F2R: variants seen among roughly 807,000 people sequenced by gnomAD.
F2R encodes proteinase-activated receptor 1.
F2R carries 12 observed loss-of-function variants against 18.3 expected under a neutral mutation model. The observed-to-expected ratio is 0.66, with a 90% CI of 0.42 to 1.06. F2R has a LOEUF of 1.06. F2R is among the 50% of genes least tolerant of loss of function. The probability of loss-of-function intolerance (pLI) is 0.00; values close to 1 mark genes in which losing one functional copy is unlikely to be tolerated. For synonymous variants in F2R, 210 were observed against 219.9 expected (o/e 0.95, Z 0.40); for missense variants, 438 against 530.8 (o/e 0.83, Z 1.72).
chr5:76,720,675 T>C (rs1748432853), intron 1 of F2R, among the ~76,000 whole-genome samples: 1 of 152,124 alleles, frequency 6.6e-6, no homozygotes, highest in Non-Finnish European at 1.5e-5. Flanking sequence ...CATTCTCCCT[T>C]CCCCTACCCC....
Position 76,716,381 on chromosome 5 carries a change from G to A in F2R, c.74G>A (p.Arg25Gln), listed in dbSNP as rs1748343499. The A allele has an allele frequency of 6.9e-6, 10 of 1,452,682 alleles. No homozygotes were observed. The highest frequency in any genetic ancestry group is 2.6e-5 in the Admixed American group (1 of 37,952). The allele number at this position is 1,452,682 out of a possible 1,614,324, so 90.0% of individuals were successfully genotyped here. A position where few individuals can be genotyped will look rare whatever the true frequency, so the allele number is the denominator to read the frequency against. ...GGCCCGCTGTTGTCTGCCCGCACCC[G>A]GGCCCGCAGGCCAGGTGAGAGATGC... is the stretch of plus-strand genomic sequence containing the variant. ...LCGPLLSARTRARRPESKATN... is the reference protein window; with the variant it reads ...LCGPLLSARTQARRPESKATN... The change falls in exon 1 of 2, where the codon CGG becomes CAG. Residue 25 changes from arginine to glutamine, a missense_variant. Transcript: ENST00000319211.
At chr5:76,718,213 C>T (rs1220188254) in intron 1 of F2R, among the ~76,000 whole-genome samples, 6 of 152,092 alleles carry the variant, frequency 3.9e-5, no homozygotes, top group Middle Eastern at 3.4e-3. Flanking sequence ...CAAGTGGTGG[C>T]GGGTGGGGCA....
rs577000097 is a variant in F2R, at chr5:76,735,686, G to A, written c.*2183G>A. The A allele has an allele frequency of 2.0e-5, 3 of 152,172 alleles. 1 individual carries two copies. The South Asian group carries it at 6.2e-4, about 32-fold the overall frequency. The allele number at this position is 152,172 out of a possible 1,614,324, so 9.4% of individuals were successfully genotyped here. ...TATATTAAAATATGATATCATTAATGTACTTACAAAATAGTATGTCACTGT... is the reference window on the plus strand; with the variant it reads ...TATATTAAAATATGATATCATTAATATACTTACAAAATAGTATGTCACTGT... On this transcript the variant is annotated 3_prime_UTR_variant, in exon 2 of 2. Transcript: ENST00000319211.
chr5:76,719,783 A>C (rs966079937), intron 1 of F2R, among the ~76,000 whole-genome samples: 1 of 152,212 alleles, frequency 6.6e-6, no homozygotes, highest in Non-Finnish European at 1.5e-5. Flanking sequence ...ATATAGAAGC[A>C]AAGTCTGTGC....
intron 1 of F2R, among the ~76,000 whole-genome samples, chr5:76,719,353 G>C (rs769070988): frequency 6.6e-6 from 1 of 152,162 alleles, no homozygotes; most frequent in Non-Finnish European, 1.5e-5. Context: ...ACTTTGGGAG[G>C]CCAAAGCAGG....
intron 1 of F2R, among the ~76,000 whole-genome samples, chr5:76,722,559 T>C (rs1748483090): frequency 6.6e-6 from 1 of 152,230 alleles, no homozygotes; most frequent in Non-Finnish European, 1.5e-5. Context: ...TTAGGCTTGC[T>C]TTCCTATGCT....
At chr5:76,731,005 C>A (rs1042374950) in intron 1 of F2R, among the ~76,000 whole-genome samples, 9 of 152,196 alleles carry the variant, frequency 5.9e-5, no homozygotes, top group African/African-American at 1.9e-4. Flanking sequence ...CTTCCAGGAA[C>A]CTCCATGTGT....
intron 1 of F2R, among the ~76,000 whole-genome samples, chr5:76,719,434 AC>A (rs756879584): frequency 7.9e-5 from 12 of 152,244 alleles, no homozygotes; most frequent in Non-Finnish European, 1.0e-4. Flanking sequence ...TACTAAAAAT[AC>A]AAAATTAGCT....
At chr5:76,730,736 A>G (rs1424544546) in intron 1 of F2R, among the ~76,000 whole-genome samples, 1 of 152,184 alleles carries the variant, frequency 6.6e-6, no homozygotes, top group Non-Finnish European at 1.5e-5. Context: ...GCTGCCTTCC[A>G]CTTCAAATGG....
chr5:76,719,591 A>AG (rs1034574583), intron 1 of F2R, among the ~76,000 whole-genome samples: 1 of 151,598 alleles, frequency 6.6e-6, no homozygotes, highest in African/African-American at 2.4e-5. Flanking sequence ...TCTCTCTCAA[A>AG]AAAAAAAAGA....
rs1748342685 is a variant in F2R at position 76,716,361 on chromosome 5, G to A, written c.54G>A (p.Pro18=). Residue 18 remains proline (P), a synonymous_variant, in exon 1 of 2, where the codon CCG becomes CCA. Coordinates refer to ENST00000319211, the MANE Select transcript of F2R (RefSeq NM_001992.5). The part of the protein sequence containing the change: ...LVAACFSLCG[P]LLSARTRARR... ...CCGCCTGCTTCAGTCTGTGCGGCCCGCTGTTGTCTGCCCGCACCCGGGCCC... is the reference window on the plus strand; with the variant it reads ...CCGCCTGCTTCAGTCTGTGCGGCCCACTGTTGTCTGCCCGCACCCGGGCCC... 3 of 1,465,620 alleles carry A rather than the reference G, an allele frequency of 2.0e-6. No homozygotes were observed. The highest frequency in any genetic ancestry group is 2.7e-6 in the Non-Finnish European group (3 of 1,111,142). 90.8% of individuals were successfully genotyped at this position (1,465,620 alleles called of 1,614,324 possible). A position where few individuals can be genotyped will look rare whatever the true frequency, so the allele number is the denominator to read the frequency against.
chr5:76,723,516 A>G (rs187743601), intron 1 of F2R, among the ~76,000 whole-genome samples: 75 of 152,334 alleles, frequency 4.9e-4, no homozygotes, highest in African/African-American at 1.7e-3. Context: ...TGTTAGAATT[A>G]TATGAACTAA....
intron 1 of F2R, among the ~76,000 whole-genome samples, chr5:76,731,273 T>C (rs934555959): frequency 6.6e-6 from 1 of 152,170 alleles, no homozygotes; most frequent in African/African-American, 2.4e-5. Flanking sequence ...GGCCGTAGAA[T>C]TGGGAGTCCT....
rs10035419 is a variant in F2R at position 76,730,570 on chromosome 5, A to G, written c.89-1744A>G. Among the ~76,000 whole-genome samples, 958 of 152,252 alleles carry G rather than the reference A, an allele frequency of 6.3e-3. 8 individuals carry two copies. Among genetic ancestry groups the G allele is most frequent in the Non-Finnish European group, 9.2e-3 (629 of 68,010 alleles). On this transcript the variant is annotated intron_variant, in intron 1 of 1. Transcript: ENST00000319211. ...TGTTTCTCCACATACCAAGCAACCAATTCTCCTGCAGATTCTCCAGTGGAC... is the reference window on the plus strand; with the variant it reads ...TGTTTCTCCACATACCAAGCAACCAGTTCTCCTGCAGATTCTCCAGTGGAC...
chr5:76,716,995 G>C (rs1580887033), intron 1 of F2R, among the ~76,000 whole-genome samples: 1 of 152,216 alleles, frequency 6.6e-6, no homozygotes, highest in African/African-American at 2.4e-5. Flanking sequence ...GAGGCTCCGC[G>C]TGGTGGCGGG....
intron 1 of F2R, among the ~76,000 whole-genome samples, chr5:76,729,603 C>G (rs1258499133): frequency 6.6e-6 from 1 of 152,156 alleles, no homozygotes; most frequent in East Asian, 1.9e-4. Context: ...AGCTTTTCCT[C>G]TATGTTTTCT....
At chr5:76,716,590 G>A in intron 1 of F2R, 195 bp downstream of exon 1, 1 of 697,804 alleles carries the variant, frequency 1.4e-6, no homozygotes, top group South Asian at 1.6e-5. Context: ...CCCAGCCGAT[G>A]CCCCTTTGGA....
chr5:76,718,795 A>T (rs569438034), intron 1 of F2R, among the ~76,000 whole-genome samples: 17 of 152,230 alleles, frequency 1.1e-4, no homozygotes, highest in Non-Finnish European at 1.9e-4. Context: ...GGTGATGTTT[A>T]TAAATTTTAT....
chr5:76,722,435 C>A (rs1028316634), intron 1 of F2R, among the ~76,000 whole-genome samples: 1 of 152,220 alleles, frequency 6.6e-6, no homozygotes, highest in African/African-American at 2.4e-5. Flanking sequence ...CTCTGGCCTC[C>A]AGGCTGCTCC....
Sources: allele counts gnomAD v4.1 joint callset (sites outside exome capture counted in the v4.1 genomes callset), GRCh38; gene constraint gnomAD v4.1.1; transcripts MANE v1.5; gene names NCBI Gene and HGNC (gene_info 2026-07-23, HGNC 2026-07-21).